SCCPDH: variants seen among roughly 807,000 people sequenced by gnomAD.
SCCPDH encodes saccharopine dehydrogenase-like oxidoreductase.
Under a neutral mutation model 51.5 loss-of-function variants are expected in SCCPDH, and 34 were observed. That is an observed-to-expected ratio of 0.66 (90% CI 0.50 to 0.88). SCCPDH has a LOEUF of 0.88. Ranked by LOEUF, SCCPDH falls within the 40% of genes least tolerant of loss-of-function variation. The pLI is 0.00. For synonymous variants in SCCPDH, 187 were observed against 191.3 expected, an observed-to-expected ratio of 0.98 and a Z score of 0.19; for missense variants, 464 against 527.1, an observed-to-expected ratio of 0.88 and a Z score of 1.17.
intron 11 of SCCPDH, 39 bp from the exon 12 acceptor site, chr1:246,767,156 G>A (rs767451984): frequency 2.1e-6 from 3 of 1,427,212 alleles, no homozygotes; most frequent in Non-Finnish European, 1.9e-6. Context: ...GACTGGAGAG[G>A]AGCTGAGTGC....
intron 2 of SCCPDH, among the ~76,000 whole-genome samples, chr1:246,729,160 A>G (rs1668449157): frequency 6.6e-6 from 1 of 152,208 alleles, no homozygotes; most frequent in African/African-American, 2.4e-5. Flanking sequence ...GCAGAGCAAG[A>G]TCACAAGGCC....
rs183450207 is a variant in SCCPDH at position 246,753,291 on chromosome 1, T to A, written c.565-4935T>A. 2.7e-3 allele frequency among the ~76,000 whole-genome samples: 413 copies of A among 152,252 alleles called. 11 individuals are homozygous for A. The highest frequency in any genetic ancestry group is 2.5e-3 in the East Asian group (13 of 5,178). On this transcript the variant is annotated intron_variant, in intron 5 of 11. Coordinates refer to ENST00000366510, the MANE Select transcript of SCCPDH (RefSeq NM_016002.3). ...TTTCTTCATCTCTTCTTACATACAC[T>A]TTTTGGGCTTCTCTTAGAAGCTCTT...
intron 5 of SCCPDH, among the ~76,000 whole-genome samples, chr1:246,746,025 G>A (rs574149068): frequency 3.6e-4 from 54 of 148,970 alleles, no homozygotes; most frequent in Middle Eastern, 6.9e-3. Context: ...GGAGAGTGGC[G>A]TGAACCCGGG....
chr1:246,728,286 A>G lies in SCCPDH; in HGVS notation c.303+1282A>G, dbSNP rs540217867. 8.5e-5 allele frequency among the ~76,000 whole-genome samples: 13 copies of G among 152,346 alleles called. 1 individual carries two copies. In the South Asian group the frequency reaches 2.7e-3, roughly 32 times the overall value. On this transcript the variant is annotated intron_variant, in intron 2 of 11. Transcript: ENST00000366510. ...AAGGGTTTTTGAATTGCTATTAAAT[A>G]GAAGTGTTGTTGATTTAGATTCATC... is the stretch of plus-strand genomic sequence containing the variant.
chr1:246,746,107 CAAAAAAAAAA>C (rs756929255), intron 5 of SCCPDH, among the ~76,000 whole-genome samples: 25 of 79,572 alleles, frequency 3.1e-4, no homozygotes, highest in African/African-American at 1.6e-3. Context: ...GACTCCATCT[CAAAAAAAAAA>C]AAAAAAAAAA....
intron 5 of SCCPDH, among the ~76,000 whole-genome samples, chr1:246,755,105 T>G (rs570838406): frequency 6.6e-6 from 1 of 152,336 alleles, no homozygotes; most frequent in African/African-American, 2.4e-5. Context: ...ACAAGATTTC[T>G]TTGAAGAAAA....
intron 5 of SCCPDH, among the ~76,000 whole-genome samples, chr1:246,752,251 G>A (rs1668861678): frequency 6.6e-6 from 1 of 152,140 alleles, no homozygotes; most frequent in African/African-American, 2.4e-5. Flanking sequence ...GTAAGTTTGG[G>A]ATTTTAATTA....
intron 5 of SCCPDH, among the ~76,000 whole-genome samples, chr1:246,749,943 A>G (rs1227313017): frequency 2.6e-5 from 4 of 152,234 alleles, no homozygotes; most frequent in African/African-American, 9.6e-5. Flanking sequence ...TTACACTAGT[A>G]AAGAGAGGAC....
At chr1:246,759,910 CA>C (rs1388101721) in intron 7 of SCCPDH, 46 bp from the exon 8 acceptor site, 1 of 1,575,758 alleles carries the variant, frequency 6.3e-7, no homozygotes, top group Non-Finnish European at 8.6e-7. Context: ...TTACTTGGTC[CA>C]AAATGTAGGG....
At chr1:246,734,067 AT>A (rs757296179) in intron 2 of SCCPDH, among the ~76,000 whole-genome samples, 6 of 152,308 alleles carry the variant, frequency 3.9e-5, no homozygotes, top group African/African-American at 1.2e-4. Context: ...CTTATTTACA[AT>A]GCAAGTTACT....
chr1:246,751,822 G>A (rs35424727), intron 5 of SCCPDH, among the ~76,000 whole-genome samples: 188 of 144,054 alleles, frequency 1.3e-3, no homozygotes, highest in Non-Finnish European at 2.3e-3. Flanking sequence ...CGCCCAGGCT[G>A]GAGTGCAGTG....
At chr1:246,750,284 G>A (rs1428232485) in intron 5 of SCCPDH, among the ~76,000 whole-genome samples, 5 of 152,320 alleles carry the variant, frequency 3.3e-5, no homozygotes, top group African/African-American at 9.6e-5. Context: ...TCTGAGGGAC[G>A]AGAAAGTGGA....
intron 2 of SCCPDH, among the ~76,000 whole-genome samples, chr1:246,733,932 A>G (rs180828554): frequency 1.2e-4 from 19 of 152,340 alleles, no homozygotes; most frequent in Admixed American, 1.2e-3. Context: ...GAGCAACTCT[A>G]GACATAGAGG....
chr1:246,766,197 T>A, intron 11 of SCCPDH, 58 bp downstream of exon 11: 1 of 1,231,188 alleles, frequency 8.1e-7, no homozygotes, highest in Non-Finnish European at 1.2e-6. Context: ...TATTTTAGCT[T>A]ATTTTGATTT....
Position 246,746,316 on chromosome 1 carries a change from A to C in SCCPDH, c.564+2191A>C, listed in dbSNP as rs561986036. On this transcript the variant is annotated intron_variant, in intron 5 of 11. Transcript: ENST00000366510. ...CTGGGGGCTGCATGCACCGGCAATC[A>C]GAACGGAACAGAACAGGACAGGGAT... Among the ~76,000 whole-genome samples, 1,054 of 152,240 alleles carry C rather than the reference A, an allele frequency of 6.9e-3. 7 individuals are homozygous for C. Among genetic ancestry groups the C allele is most frequent in the Non-Finnish European group, 0.011 (753 of 68,020 alleles).
intron 5 of SCCPDH, among the ~76,000 whole-genome samples, chr1:246,750,415 T>C (rs978103474): frequency 6.6e-6 from 1 of 152,182 alleles, no homozygotes; most frequent in Non-Finnish European, 1.5e-5. Context: ...AGCGAACATC[T>C]TTCCGAGGGG....
At chr1:246,737,226 A>C (rs1330739250) in intron 3 of SCCPDH, among the ~76,000 whole-genome samples, 1 of 83,338 alleles carries the variant, frequency 1.2e-5, no homozygotes. Flanking sequence ...AAAAGGAGGA[A>C]ACAAATTAAA....
chr1:246,735,916 T>C, intron 2 of SCCPDH, 59 bp from the exon 3 acceptor site: 1 of 1,100,876 alleles, frequency 9.1e-7, no homozygotes, highest in South Asian at 1.3e-5. Flanking sequence ...TTAGATGGCA[T>C]TTTATTCATT....
At chr1:246,727,791 G>A (rs1176694906) in intron 2 of SCCPDH, among the ~76,000 whole-genome samples, 1 of 152,164 alleles carries the variant, frequency 6.6e-6, no homozygotes, top group African/African-American at 2.4e-5. Context: ...TGTGACAGAG[G>A]CCAGTGTGGC....
Sources: allele counts gnomAD v4.1 joint callset (sites outside exome capture counted in the v4.1 genomes callset), GRCh38; gene constraint gnomAD v4.1.1; transcripts MANE v1.5; gene names NCBI Gene and HGNC (gene_info 2026-07-23, HGNC 2026-07-21).